RHBDD1: variants seen among roughly 807,000 people sequenced by gnomAD.
RHBDD1 encodes the protein rhomboid-related protein 4.
A neutral mutation model predicts 36.3 loss-of-function variants in RHBDD1; 38 were observed. That is an observed-to-expected ratio of 1.05 (90% confidence interval 0.81 to 1.37). The LOEUF (loss-of-function observed/expected upper bound fraction) is 1.37, where lower values mean the gene tolerates loss of function less well. Among genes scored for constraint, RHBDD1 ranks in the 40% most tolerant of loss-of-function variants. RHBDD1 has a pLI of 0.00. For missense variants in RHBDD1, 393 were observed against 377.6 expected (o/e 1.04, Z -0.34); for synonymous variants, 151 against 136.5 (o/e 1.11, Z -0.74).
At chr2:226,896,677 T>A (rs1052666461) in intron 5 of RHBDD1, among the ~76,000 whole-genome samples, 1 of 152,232 alleles carries the variant, frequency 6.6e-6, no homozygotes, top group African/African-American at 2.4e-5. Context: ...CCTTCCATTG[T>A]ACTTAGAAAA....
chr2:226,815,828 A>G, the RHBDD1 span, among the ~76,000 whole-genome samples: 1 of 152,248 alleles, frequency 6.6e-6, no homozygotes, highest in African/African-American at 2.4e-5. Flanking sequence ...TCTTCAAAGT[A>G]TGATTTTTAG....
chr2:226,857,024 G>A (rs923392467), intron 3 of RHBDD1, among the ~76,000 whole-genome samples: 4 of 151,946 alleles, frequency 2.6e-5, no homozygotes, highest in African/African-American at 7.3e-5. Context: ...TTTCTGTGTG[G>A]TTTCACCTTT....
At chr2:226,858,954 G>T (rs1943583414) in intron 3 of RHBDD1, among the ~76,000 whole-genome samples, 1 of 152,168 alleles carries the variant, frequency 6.6e-6, no homozygotes, top group Non-Finnish European at 1.5e-5. Flanking sequence ...ATGGATCAGA[G>T]ATTTATTTCT....
the RHBDD1 span, among the ~76,000 whole-genome samples, chr2:226,820,644 C>CAAAAAAAAAAAA: frequency 9.4e-5 from 6 of 63,536 alleles, no homozygotes; most frequent in Non-Finnish European, 1.5e-4. Flanking sequence ...TCCATCTCCA[C>CAAAAAAAAAAAA]AAAAAAAAAA....
chr2:226,927,447 C>A (rs539996412), intron 8 of RHBDD1, among the ~76,000 whole-genome samples: 1 of 151,662 alleles, frequency 6.6e-6, no homozygotes, highest in Non-Finnish European at 1.5e-5. Flanking sequence ...ATTTACGTAC[C>A]GGAATTTGTG....
the RHBDD1 span, among the ~76,000 whole-genome samples, chr2:226,801,308 C>G: frequency 6.6e-6 from 1 of 152,178 alleles, no homozygotes; most frequent in Non-Finnish European, 1.5e-5. Context: ...TTTTTCAAGC[C>G]TTGCACTGCA....
Position 226,998,900 on chromosome 2 carries a change from G to A in RHBDD1, c.*3378G>A, listed in dbSNP as rs1960218084. On this transcript the variant is annotated 3_prime_UTR_variant, in exon 9 of 9. Coordinates refer to ENST00000392062, the MANE Select transcript of RHBDD1 (RefSeq NM_001167608.3). ...ACTAGTCTCACTGCTCAGGCTGTGA[G>A]TGTTCCTGATCTTGTGACATTCTGT... is the stretch of plus-strand genomic sequence containing the variant. The A allele has an allele frequency of 6.6e-6, 1 of 152,202 alleles. No homozygotes were observed. The highest frequency in any genetic ancestry group is 1.5e-5 in the Non-Finnish European group (1 of 68,084). The allele number at this position is 152,202 out of a possible 1,614,324, so 9.4% of individuals were successfully genotyped here. A position where few individuals can be genotyped will look rare whatever the true frequency, so the allele number is the denominator to read the frequency against.
intron 8 of RHBDD1, among the ~76,000 whole-genome samples, chr2:226,989,047 G>A (rs1353980554): frequency 1.3e-5 from 2 of 152,214 alleles, no homozygotes; most frequent in Non-Finnish European, 2.9e-5. Context: ...CTGATGTAGG[G>A]GCTGAGGAAG....
chr2:226,837,506 TGAA>T (rs1239572939), intron 1 of RHBDD1: 1 of 152,156 alleles, frequency 6.6e-6, no homozygotes, highest in Non-Finnish European at 1.5e-5. Flanking sequence ...GTATTTATGT[TGAA>T]GAGTAGTTTT....
At chr2:226,954,430 A>G (rs930694253) in intron 8 of RHBDD1, among the ~76,000 whole-genome samples, 10 of 152,178 alleles carry the variant, frequency 6.6e-5, no homozygotes, top group African/African-American at 2.4e-4. Flanking sequence ...TTATTATTTT[A>G]TAACAAAGTA....
upstream of RHBDD1, among the ~76,000 whole-genome samples, chr2:226,833,796 G>A (rs1194247398): frequency 1.3e-5 from 2 of 151,888 alleles, no homozygotes; most frequent in African/African-American, 4.8e-5. Flanking sequence ...GCTGCTGATT[G>A]CTTCATATGT....
At chr2:226,884,014 G>T (rs1321253953) in intron 5 of RHBDD1, among the ~76,000 whole-genome samples, 4 of 152,086 alleles carry the variant, frequency 2.6e-5, no homozygotes, top group African/African-American at 9.7e-5. Flanking sequence ...ACTTTGGCCT[G>T]TTTGGAATTT....
intron 8 of RHBDD1, among the ~76,000 whole-genome samples, chr2:226,966,881 G>A (rs943820521): frequency 6.6e-5 from 10 of 151,966 alleles, no homozygotes; most frequent in Non-Finnish European, 1.5e-5. Context: ...TGGGTTGTGG[G>A]GAGGTTGGGA....
At chr2:226,990,421 A>G (rs1957926723) in intron 8 of RHBDD1, among the ~76,000 whole-genome samples, 1 of 152,226 alleles carries the variant, frequency 6.6e-6, no homozygotes, top group African/African-American at 2.4e-5. Context: ...TTGCCTCTTT[A>G]GCTCCCTAAT....
chr2:226,913,674 G>C (rs959397758), intron 7 of RHBDD1, among the ~76,000 whole-genome samples: 1 of 151,592 alleles, frequency 6.6e-6, no homozygotes, highest in South Asian at 2.1e-4. Context: ...CCTTTTTTTG[G>C]GGGGGAGCTA....
rs190387925 is a variant in RHBDD1, at chr2:226,974,428, G to C, written c.857-21003G>C. ...AATTTTTTGTATTTTTAGTAGAGAC[G>C]GGGTTTCACCGTGTTAGCCAGGATG... On this transcript the variant is annotated intron_variant, in intron 8 of 8. Transcript: ENST00000392062. Among the ~76,000 whole-genome samples the C allele has an allele frequency of 1.3e-3, 197 of 152,016 alleles. 1 individual carries two copies. The highest frequency in any genetic ancestry group is 4.4e-3 in the African/African-American group (183 of 41,480).
At chr2:226,903,354 T>C (rs1253838795) in intron 5 of RHBDD1, among the ~76,000 whole-genome samples, 1 of 152,206 alleles carries the variant, frequency 6.6e-6, no homozygotes, top group Non-Finnish European at 1.5e-5. Flanking sequence ...TCTCACCCCG[T>C]CTCACCCAGG....
At chr2:226,827,282 G>T in the RHBDD1 span, among the ~76,000 whole-genome samples, 4 of 152,148 alleles carry the variant, frequency 2.6e-5, no homozygotes, top group South Asian at 8.3e-4. Context: ...GTTTTTAAAA[G>T]TAAGATTTAA....
intron 5 of RHBDD1, among the ~76,000 whole-genome samples, chr2:226,902,545 A>G (rs1167178275): frequency 6.6e-6 from 1 of 152,178 alleles, no homozygotes; most frequent in Non-Finnish European, 1.5e-5. Flanking sequence ...GGAGAAAGTT[A>G]ATTTACCTCT....
Sources: allele counts gnomAD v4.1 joint callset (sites outside exome capture counted in the v4.1 genomes callset), GRCh38; gene constraint gnomAD v4.1.1; transcripts MANE v1.5; gene names NCBI Gene and HGNC (gene_info 2026-07-23, HGNC 2026-07-21).